CUL5: variants seen among roughly 807,000 people sequenced by gnomAD.
CUL5 encodes the protein cullin-5.
In CUL5, 26 loss-of-function variants were observed where a neutral mutation model predicts 108.8. That is an observed-to-expected ratio of 0.24 (90% CI 0.18 to 0.33). The LOEUF (loss-of-function observed/expected upper bound fraction) is 0.33. Ranked by LOEUF, CUL5 falls within the 10% of genes least tolerant of loss-of-function variation. The pLI is 1.00. For synonymous variants in CUL5, 334 were observed against 298.0 expected (o/e 1.12, Z -1.25); for missense variants, 524 against 909.2 (o/e 0.58, Z 5.45).
intron 5 of CUL5, among the ~76,000 whole-genome samples, chr11:108,054,055 A>G (rs1457888186): frequency 6.6e-6 from 1 of 152,192 alleles, no homozygotes; most frequent in East Asian, 1.9e-4. Context: ...CATAGTGGCC[A>G]GGCTGGTCTT....
chr11:108,067,754 G>T (rs1863721886), intron 7 of CUL5, among the ~76,000 whole-genome samples: 1 of 152,046 alleles, frequency 6.6e-6, no homozygotes, highest in South Asian at 2.1e-4. Context: ...GTTATATATT[G>T]TTAGATTTAC....
At chr11:108,087,140 C>T (rs1327552725) in intron 11 of CUL5, among the ~76,000 whole-genome samples, 2 of 152,064 alleles carry the variant, frequency 1.3e-5, no homozygotes, top group African/African-American at 4.8e-5. Context: ...ATTCTAGTCT[C>T]ATCTACTTAT....
chr11:108,104,359 T>C lies in CUL5; in HGVS notation c.2318T>C (p.Ile773Thr). 6.4e-7 allele frequency: 1 copy of C among 1,565,810 alleles called. No individual in the cohort carries two copies. The highest frequency in any genetic ancestry group is 8.6e-7 in the Non-Finnish European group (1 of 1,163,084). Residue 773 changes from isoleucine (I) to threonine (T), a missense_variant, in exon 19 of 19, where the codon ATC becomes ACC. Physicochemically the swap from Ile to Thr is moderately conservative, Grantham distance 89 (BLOSUM62 -1). Transcript: ENST00000393094. ...HKYIRRDESD[I>T]NTFIYMA ...TACATCAGAAGAGATGAATCTGATA[T>C]CAACACTTTCATATATATGGCATAA...
intron 10 of CUL5, among the ~76,000 whole-genome samples, chr11:108,076,322 C>G (rs184470954): frequency 1.3e-5 from 2 of 152,322 alleles, no homozygotes; most frequent in African/African-American, 4.8e-5. Context: ...GCATGAGCCA[C>G]CATGCCCAGC....
chr11:108,103,089 CCCG>C (rs1444636081), intron 18 of CUL5, among the ~76,000 whole-genome samples: 1 of 152,178 alleles, frequency 6.6e-6, no homozygotes, highest in Non-Finnish European at 1.5e-5. Flanking sequence ...AGCCACCACA[CCCG>C]GCATATACAT....
rs1202966927 is a variant in CUL5, at chr11:108,105,489, T to C, written c.*1105T>C. ...AAACAGAAGCAAAATTGTTGCACTC[T>C]TAATACGAGCAGTAAACTTGCCAAA... On this transcript the variant is annotated 3_prime_UTR_variant, in exon 19 of 19. Transcript: ENST00000393094. 2 of 152,540 alleles carry C rather than the reference T, an allele frequency of 1.3e-5. No individual in the cohort carries two copies. Among genetic ancestry groups the C allele is most frequent in the Admixed American group, 6.5e-5 (1 of 15,270 alleles). 9.4% of individuals were successfully genotyped at this position (152,540 alleles called of 1,614,324 possible).
At chr11:108,051,755 T>A (rs1863229598) in intron 4 of CUL5, among the ~76,000 whole-genome samples, 1 of 152,202 alleles carries the variant, frequency 6.6e-6, no homozygotes, top group Non-Finnish European at 1.5e-5. Flanking sequence ...TTTACAAACA[T>A]ATGCATATGT....
intron 10 of CUL5, among the ~76,000 whole-genome samples, chr11:108,074,649 AC>A (rs1388109152): frequency 6.6e-6 from 1 of 152,030 alleles, no homozygotes; most frequent in Non-Finnish European, 1.5e-5. Context: ...TACTAAAAAT[AC>A]GAAAAATTAG....
At chr11:108,023,020 A>G (rs1426494338) in intron 1 of CUL5, among the ~76,000 whole-genome samples, 1 of 152,202 alleles carries the variant, frequency 6.6e-6, no homozygotes, top group Non-Finnish European at 1.5e-5. Context: ...AGGCCAAGGC[A>G]GGTGGATCAC....
intron 8 of CUL5, 105 bp downstream of exon 8, chr11:108,070,294 A>G (rs1291168432): frequency 2.2e-5 from 16 of 742,510 alleles, no homozygotes; most frequent in Non-Finnish European, 3.5e-5. Flanking sequence ...ACATAGGTAT[A>G]TGTGGAACTG....
In CUL5 at chr11:108,094,486, G is replaced by A; in HGVS notation, c.1539G>A (p.Met513Ile). The A allele has an allele frequency of 2.0e-6, 3 of 1,486,246 alleles. No individual in the cohort carries two copies. The highest frequency in any genetic ancestry group is 1.8e-5 in the Admixed American group (1 of 55,084). 92.1% of individuals were successfully genotyped at this position (1,486,246 alleles called of 1,614,324 possible). Residue 513 changes from methionine (M) to isoleucine (I), a missense_variant, in exon 14 of 19, where the codon ATG (methionine) becomes ATA (isoleucine). Coordinates refer to ENST00000393094, the MANE Select transcript of CUL5 (RefSeq NM_003478.6). The stretch of plus-strand genomic sequence containing the variant: ...ATTTGAACCAAGCTTTTAAGGAAAT[G>A]CACAAAAATAATAAATTGGCATTAC... Reference protein sequence around the residue: ...SEDLNQAFKEMHKNNKLALPA... With the variant: ...SEDLNQAFKEIHKNNKLALPA...
intron 2 of CUL5, among the ~76,000 whole-genome samples, chr11:108,043,872 T>TA (rs1298668420): frequency 6.6e-6 from 1 of 151,784 alleles, no homozygotes; most frequent in South Asian, 2.1e-4. Context: ...CTACTGAAAA[T>TA]AAAAAAATTA....
At chr11:108,034,950 G>A (rs1040672633) in intron 2 of CUL5, among the ~76,000 whole-genome samples, 6 of 151,992 alleles carry the variant, frequency 3.9e-5, no homozygotes, top group African/African-American at 7.2e-5. Context: ...CACCCCTTTT[G>A]TCCTGATCAT....
At chr11:108,060,866 C>T (rs1410757267) in intron 7 of CUL5, among the ~76,000 whole-genome samples, 1 of 151,958 alleles carries the variant, frequency 6.6e-6, no homozygotes, top group African/African-American at 2.4e-5. Flanking sequence ...TGTCTCGTAG[C>T]CTACCTGTCT....
chr11:108,090,221 G>T lies in CUL5; in HGVS notation c.1443+598G>T, dbSNP rs532325118. 3.9e-5 allele frequency among the ~76,000 whole-genome samples: 6 copies of T among 152,120 alleles called. No individual in the cohort carries two copies. The South Asian group carries it at 1.2e-3, about 32-fold the overall frequency. On this transcript the variant is annotated intron_variant, in intron 13 of 18. Coordinates refer to ENST00000393094, the MANE Select transcript of CUL5 (RefSeq NM_003478.6). The stretch of plus-strand genomic sequence containing the variant: ...TAGACTACAGGGGCTGGGCACGGTG[G>T]CTCACACCTATAATCCCAGCACTTT...
At chr11:108,059,714 T>TAA (rs905257024) in intron 7 of CUL5, among the ~76,000 whole-genome samples, 1 of 147,728 alleles carries the variant, frequency 6.8e-6, no homozygotes. Flanking sequence ...CTGTCTCTAC[T>TAA]AAAAAAAAAA....
Position 108,104,333 on chromosome 11 carries a change from A to G in CUL5, c.2292A>G (p.Lys764=), listed in dbSNP as rs373370751. The G allele has an allele frequency of 3.7e-5, 60 of 1,600,006 alleles. No homozygotes were observed. The highest frequency in any genetic ancestry group is 5.1e-5 in the Non-Finnish European group (60 of 1,175,946). ...AAATAGAGTGGCTAATAGAGCACAA[A>G]TACATCAGAAGAGATGAATCTGATA... The part of the protein sequence containing the change: ...KEQIEWLIEH[K]YIRRDESDIN... Residue 764 remains lysine (K), a synonymous_variant, in exon 19 of 19, where the codon AAA becomes AAG. Coordinates refer to ENST00000393094, the MANE Select transcript of CUL5 (RefSeq NM_003478.6).
At chr11:108,040,347 C>T (rs532394667) in intron 2 of CUL5, among the ~76,000 whole-genome samples, 34 of 152,192 alleles carry the variant, frequency 2.2e-4, no homozygotes, top group African/African-American at 5.3e-4. Flanking sequence ...TGTGGTGGCT[C>T]ATGCCGGTAA....
chr11:108,069,555 G>A (rs756222332), intron 7 of CUL5, among the ~76,000 whole-genome samples: 3 of 151,718 alleles, frequency 2.0e-5, no homozygotes, highest in Non-Finnish European at 4.4e-5. Context: ...TTTTTATTTT[G>A]TGTGTGTTTG....
Sources: gnomAD v4.1 joint callset for allele counts (sites outside exome capture counted in the v4.1 genomes callset) on GRCh38, gnomAD v4.1.1 for gene constraint, MANE v1.5 for transcripts, NCBI Gene and HGNC (gene_info 2026-07-23, HGNC 2026-07-21) for gene names.